CGGBP1: variants seen among roughly 807,000 people sequenced by gnomAD.
CGGBP1 encodes the protein CGG triplet repeat binding protein 1.
CGGBP1 carries 4 observed loss-of-function variants against 11.4 expected under a neutral mutation model. The ratio of observed to expected loss-of-function variants is 0.35; its 90% CI spans 0.17 to 0.80. The LOEUF (loss-of-function observed/expected upper bound fraction) is 0.80, where lower values mean the gene tolerates loss of function less well. Ranked by LOEUF, CGGBP1 falls within the 30% of genes least tolerant of loss-of-function variation. The pLI, the probability that CGGBP1 is intolerant of heterozygous loss-of-function variation, is 0.52. For missense variants in CGGBP1, 135 were observed against 202.1 expected (o/e 0.67, Z 2.01); for synonymous variants, 76 against 74.1 (o/e 1.03, Z -0.13).
At chr3:88,074,119 C>T (rs1707666654) in intron 2 of CGGBP1, among the ~76,000 whole-genome samples, 1 of 152,054 alleles carries the variant, frequency 6.6e-6, no homozygotes, top group Non-Finnish European at 1.5e-5. Context: ...TTTGAGTTCA[C>T]AAAGAAAAAT....
intron 2 of CGGBP1, among the ~76,000 whole-genome samples, chr3:88,089,744 T>G (rs1424520348): frequency 6.6e-6 from 1 of 152,118 alleles, no homozygotes; most frequent in African/African-American, 2.4e-5. Context: ...CCCAAAAATA[T>G]CTTGAGAAGA....
intron 2 of CGGBP1, chr3:88,086,223 T>C (rs1253403062): frequency 6.7e-7 from 1 of 1,495,652 alleles, no homozygotes; most frequent in Admixed American, 2.4e-5. Context: ...TGAGAACTTT[T>C]TCTATAGTAA....
At chr3:88,069,242 T>G (rs530578495) in intron 2 of CGGBP1, among the ~76,000 whole-genome samples, 10 of 152,066 alleles carry the variant, frequency 6.6e-5, no homozygotes, top group Non-Finnish European at 1.2e-4. Context: ...GCCAACATGG[T>G]GAAACCCCAT....
chr3:88,070,004 T>A (rs1406869560), intron 2 of CGGBP1, among the ~76,000 whole-genome samples: 1 of 152,180 alleles, frequency 6.6e-6, no homozygotes, highest in African/African-American at 2.4e-5. Flanking sequence ...ATTTGACAAA[T>A]CTCTCAAATT....
chr3:88,056,602 G>A lies in CGGBP1; in HGVS notation c.-24+589C>T, dbSNP rs184632400. 5 of 152,016 alleles carry A rather than the reference G, an allele frequency of 3.3e-5. No individual in the cohort carries two copies. In the East Asian group the frequency reaches 9.6e-4, roughly 29 times the overall value. The allele number at this position is 152,016 out of a possible 1,614,324, so 9.4% of individuals were successfully genotyped here. ...TTAAATTGTAAAGCCAAAATATACA[G>A]TTCAAAGTTATTTTGTAATGCATGT... On this transcript the variant is annotated intron_variant, in intron 3 of 3. Transcript: ENST00000482016.
rs529377191 is a variant in CGGBP1 at position 88,099,749 on chromosome 3, GC to G, written c.-229+41220del. Reference sequence around the variant, plus strand: ...AAGGATTCCCTATTTAATAAATGGTGCCAGGAAAACTGGCTAGCCATATGTA... The same window carrying G: ...AAGGATTCCCTATTTAATAAATGGTGCAGGAAAACTGGCTAGCCATATGTA... On this transcript the variant is annotated intron_variant, in intron 2 of 3. Coordinates refer to the CGGBP1 transcript ENST00000462901. 3.0e-3 allele frequency among the ~76,000 whole-genome samples: 463 copies of G among 152,310 alleles called. 3 individuals are homozygous for G. Among genetic ancestry groups the G allele is most frequent in the African/African-American group, 0.011 (445 of 41,562 alleles).
chr3:88,109,142 A>AGTGTGTGTGTGTGTGTGTGTGTGTGT (rs35595112), intron 2 of CGGBP1, among the ~76,000 whole-genome samples: 3 of 142,434 alleles, frequency 2.1e-5, no homozygotes, highest in Non-Finnish European at 4.6e-5. Flanking sequence ...AGTGGGCACT[A>AGTGTGTGTGTGTGTGTGTGTGTGTGT]GTGTGTGTGT....
In CGGBP1 at chr3:88,053,511, T is replaced by C. The variant is rs1706473299; in HGVS notation, c.*1962A>G. On this transcript the variant is annotated 3_prime_UTR_variant, in exon 4 of 4. Coordinates refer to ENST00000482016, the MANE Select transcript of CGGBP1 (RefSeq NM_001008390.2). ...ATATGAATTATTGATGTTTTTCTAA[T>C]GCAACATCATCCAGTTTACTGCTTA... 6.6e-6 allele frequency: 1 copy of C among 152,194 alleles called. No homozygotes were observed. Among genetic ancestry groups the C allele is most frequent in the South Asian group, 2.1e-4 (1 of 4,834 alleles). The allele number at this position is 152,194 out of a possible 1,614,324, so 9.4% of individuals were successfully genotyped here. A position where few individuals can be genotyped will look rare whatever the true frequency, so the allele number is the denominator to read the frequency against.
At chr3:88,132,900 A>G (rs1376918482) in intron 2 of CGGBP1, among the ~76,000 whole-genome samples, 2 of 152,208 alleles carry the variant, frequency 1.3e-5, no homozygotes, top group Non-Finnish European at 2.9e-5. Context: ...TCTGTGCCTA[A>G]ATAGGAAAAC....
chr3:88,098,042 G>A (rs963281516), intron 2 of CGGBP1, among the ~76,000 whole-genome samples: 6 of 152,104 alleles, frequency 3.9e-5, no homozygotes, highest in African/African-American at 9.7e-5. Context: ...CAATCCAGGA[G>A]CTGGGTTTTT....
chr3:88,092,424 A>C (rs1473199286), intron 2 of CGGBP1, among the ~76,000 whole-genome samples: 1 of 152,160 alleles, frequency 6.6e-6, no homozygotes, highest in Non-Finnish European at 1.5e-5. Flanking sequence ...TACAGAATGC[A>C]ATGAGAGGGC....
At chr3:88,139,191 G>A (rs2107888333) in intron 2 of CGGBP1, 3 of 1,450,710 alleles carry the variant, frequency 2.1e-6, no homozygotes, top group Non-Finnish European at 2.7e-6. Context: ...TCAGAGCACT[G>A]GAGAGACTGA....
rs550866569 is a variant in CGGBP1, at chr3:88,111,354, G to T, written c.-229+29616C>A. Among the ~76,000 whole-genome samples, 93 of 151,942 alleles carry T rather than the reference G, an allele frequency of 6.1e-4. 1 individual carries two copies. Among genetic ancestry groups the T allele is most frequent in the African/African-American group, 2.2e-3 (91 of 41,504 alleles). ...AGTTGCTTTGTTGGATATCCTGCTA[G>T]ATAGTCTGACAATGTATAAACTTTA... On this transcript the variant is annotated intron_variant, in intron 2 of 3. Coordinates refer to the CGGBP1 transcript ENST00000462901.
At position 88,083,757 on chromosome 3, in the gene CGGBP1, G is replaced by A. The variant is rs922630205; in HGVS notation, c.-228-25534C>T. Among the ~76,000 whole-genome samples the A allele has an allele frequency of 5.9e-5, 9 of 151,982 alleles. 1 individual carries two copies. Among genetic ancestry groups the A allele is most frequent in the Admixed American group, 1.3e-4 (2 of 15,256 alleles). On this transcript the variant is annotated intron_variant, in intron 2 of 3. Coordinates refer to the CGGBP1 transcript ENST00000462901. ...TCTTATTTGTTTTAGCAGCTTCAGC[G>A]TTATCCTGGCCACCATTATGTTAAT...
chr3:88,142,376 A>G (rs1707176360), intron 1 of CGGBP1: 1 of 152,344 alleles, frequency 6.6e-6, no homozygotes, highest in South Asian at 2.1e-4. Context: ...ATTAGTTAAC[A>G]TTTAAAGGGC....
At chr3:88,112,262 A>G (rs1705136809) in intron 2 of CGGBP1, among the ~76,000 whole-genome samples, 1 of 136,144 alleles carries the variant, frequency 7.3e-6, no homozygotes, top group African/African-American at 2.6e-5. Flanking sequence ...TCTATTAGTG[A>G]TTTGTTTTGA....
intron 2 of CGGBP1, among the ~76,000 whole-genome samples, chr3:88,112,894 A>G (rs1286330638): frequency 3.9e-5 from 6 of 152,196 alleles, no homozygotes; most frequent in Middle Eastern, 3.4e-3. Flanking sequence ...GTTTCATTCT[A>G]TAGTTCTAAA....
chr3:88,056,005 A>G lies in CGGBP1; in HGVS notation c.-23-6T>C. ...GACTCTAAATAAATATGGTTCTTTC[A>G]AGACAAAAGAAACAAAGATGAGTAT... On this transcript the variant is annotated splice_polypyrimidine_tract_variant and splice_region_variant and intron_variant, in intron 3 of 3. Coordinates refer to ENST00000482016, the MANE Select transcript of CGGBP1 (RefSeq NM_001008390.2). 1.3e-6 allele frequency: 2 copies of G among 1,556,308 alleles called. No individual in the cohort carries two copies. Among genetic ancestry groups the G allele is most frequent in the Non-Finnish European group, 1.7e-6 (2 of 1,151,432 alleles).
upstream of CGGBP1, chr3:88,059,131 C>T (rs1176700170): frequency 4.5e-6 from 5 of 1,109,998 alleles, no homozygotes; most frequent in South Asian, 4.9e-5. Flanking sequence ...TGATTGGCAG[C>T]TTGCGTCTTC....
Sources: gnomAD v4.1 joint callset for allele counts (sites outside exome capture counted in the v4.1 genomes callset) on GRCh38, gnomAD v4.1.1 for gene constraint, MANE v1.5 for transcripts, NCBI Gene and HGNC (gene_info 2026-07-23, HGNC 2026-07-21) for gene names.